Variants in ITGA8 observed in about 807,000 individuals in gnomAD.
The protein encoded by ITGA8 is integrin subunit alpha 8, also known as integrin alpha-8.
A neutral mutation model predicts 142.3 loss-of-function variants in ITGA8; 91 were observed. The ratio of observed to expected loss-of-function variants is 0.64; its 90% CI spans 0.54 to 0.76. The LOEUF (loss-of-function observed/expected upper bound fraction) is 0.76. Among genes scored for constraint, ITGA8 ranks in the 30% least tolerant of loss-of-function variants. ITGA8 has a pLI of 0.00. For synonymous variants in ITGA8, 505 were observed against 485.2 expected (o/e 1.04, Z -0.54); for missense variants, 1,406 against 1,327.7 (o/e 1.06, Z -0.92).
chr10:15,627,032 T>C (rs923292460), intron 13 of ITGA8, among the ~76,000 whole-genome samples: 4 of 152,176 alleles, frequency 2.6e-5, no homozygotes, highest in African/African-American at 9.7e-5. Context: ...GAACTCATTA[T>C]TGAACTTCCA....
intron 2 of ITGA8, among the ~76,000 whole-genome samples, chr10:15,712,583 A>G (rs913699929): frequency 7.2e-5 from 11 of 152,206 alleles, no homozygotes; most frequent in Non-Finnish European, 1.5e-4. Context: ...CCTGGGTGAC[A>G]GAACCAGACT....
chr10:15,552,922 A>C (rs1313136238), intron 26 of ITGA8, among the ~76,000 whole-genome samples: 1 of 152,218 alleles, frequency 6.6e-6, no homozygotes, highest in Non-Finnish European at 1.5e-5. Context: ...TAGTATATGG[A>C]TTCCCTACTG....
At chr10:15,673,592 A>G (rs1834570934) in intron 6 of ITGA8, among the ~76,000 whole-genome samples, 1 of 152,238 alleles carries the variant, frequency 6.6e-6, no homozygotes, top group African/African-American at 2.4e-5. Context: ...CTTGCAAAGC[A>G]TAGATACTGT....
At chr10:15,646,519 C>T (rs541524684) in intron 12 of ITGA8, among the ~76,000 whole-genome samples, 12 of 151,946 alleles carry the variant, frequency 7.9e-5, no homozygotes, top group African/African-American at 2.7e-4. Context: ...TTCTGATAAC[C>T]GAATGTGTCT....
At chr10:15,674,373 A>G (rs1400937938) in intron 6 of ITGA8, among the ~76,000 whole-genome samples, 1 of 152,236 alleles carries the variant, frequency 6.6e-6, no homozygotes, top group East Asian at 1.9e-4. Context: ...ATGTTTCTAT[A>G]TGCCATTGCT....
intron 19 of ITGA8, among the ~76,000 whole-genome samples, chr10:15,605,194 T>A (rs1380644679): frequency 6.6e-6 from 1 of 152,184 alleles, no homozygotes; most frequent in Non-Finnish European, 1.5e-5. Flanking sequence ...AGTGCTGGAA[T>A]GGGGGCGTCC....
At chr10:15,653,831 C>CTTTTTT (rs111283505) in intron 11 of ITGA8, among the ~76,000 whole-genome samples, 9 of 129,968 alleles carry the variant, frequency 6.9e-5, no homozygotes, top group South Asian at 2.3e-4. Context: ...TTTCTTTTTT[C>CTTTTTT]TTTTTTTTTT....
intron 2 of ITGA8, among the ~76,000 whole-genome samples, chr10:15,704,045 A>G (rs1588738821): frequency 6.6e-6 from 1 of 152,194 alleles, no homozygotes; most frequent in Non-Finnish European, 1.5e-5. Context: ...TGGTAACCCC[A>G]TTAACCAAGC....
At chr10:15,694,696 T>TATATATATATATATATATAA (rs1835018430) in intron 2 of ITGA8, among the ~76,000 whole-genome samples, 1 of 136,900 alleles carries the variant, frequency 7.3e-6, no homozygotes, top group South Asian at 2.2e-4. Context: ...TATATATATA[T>TATATATATATATATATATAA]ATATATGTCG....
In ITGA8 at chr10:15,545,685, T is replaced by A. The variant is rs74474281; in HGVS notation, c.2880+2770A>T. On this transcript the variant is annotated intron_variant, in intron 27 of 29. Transcript: ENST00000378076. ...ACCAACCTACTGCTTAGTTTGCCTGTTTTTTTTTTTAGCTTTTTATAAATG... is the reference window on the plus strand; with the variant it reads ...ACCAACCTACTGCTTAGTTTGCCTGATTTTTTTTTTAGCTTTTTATAAATG... Among the ~76,000 whole-genome samples the A allele has an allele frequency of 2.0e-3, 4 of 2,032 alleles. No homozygotes were observed. The Non-Finnish European group carries it at 0.38, about 191-fold the overall frequency. The allele number at this position is 2,032 out of a possible 152,430, so 1.3% of individuals were successfully genotyped here.
At chr10:15,719,138 G>A (rs900627043) in intron 1 of ITGA8, among the ~76,000 whole-genome samples, 6 of 152,188 alleles carry the variant, frequency 3.9e-5, no homozygotes, top group Admixed American at 6.5e-5. Context: ...ACAGTGAGAT[G>A]AGAGAAGGGG....
intron 17 of ITGA8, 39 bp downstream of exon 17, chr10:15,607,638 G>C (rs1833218515): frequency 6.3e-7 from 1 of 1,592,602 alleles, no homozygotes; most frequent in East Asian, 2.2e-5. Flanking sequence ...ATTTGGATAT[G>C]AAGGAGAGAG....
At chr10:15,708,668 A>T (rs2131735186) in intron 2 of ITGA8, among the ~76,000 whole-genome samples, 1 of 152,362 alleles carries the variant, frequency 6.6e-6, no homozygotes, top group South Asian at 2.1e-4. Flanking sequence ...AAGATGGTAG[A>T]TACAATTTCG....
chr10:15,554,867 A>G (rs1249005778), intron 26 of ITGA8, among the ~76,000 whole-genome samples: 1 of 152,090 alleles, frequency 6.6e-6, no homozygotes, highest in Non-Finnish European at 1.5e-5. Context: ...AGGAAAAGCA[A>G]AAACCTTTTT....
intron 27 of ITGA8, among the ~76,000 whole-genome samples, chr10:15,539,654 T>C (rs951861817): frequency 1.3e-5 from 2 of 152,204 alleles, no homozygotes; most frequent in South Asian, 2.1e-4. Context: ...CTAATTCTTA[T>C]TTATTTTTAC....
intron 11 of ITGA8, 49 bp from the exon 12 acceptor site, chr10:15,647,100 C>A: frequency 7.1e-7 from 1 of 1,413,934 alleles, no homozygotes; most frequent in South Asian, 1.2e-5. Flanking sequence ...AGAGTAGAGT[C>A]ACTTTGGGTT....
At chr10:15,605,641 T>C in intron 19 of ITGA8, 83 bp downstream of exon 19, 2 of 1,099,456 alleles carry the variant, frequency 1.8e-6, no homozygotes, top group African/African-American at 1.5e-5. Flanking sequence ...TTATTGGAAG[T>C]GTATACTTTC....
chr10:15,586,485 T>A (rs1564362865), intron 23 of ITGA8, 99 bp downstream of exon 23: 4 of 667,088 alleles, frequency 6.0e-6, no homozygotes, highest in Admixed American at 4.7e-5. Context: ...TGAACTGTGA[T>A]CTCTAATGCA....
At chr10:15,521,787 C>A (rs1833076637) in intron 28 of ITGA8, among the ~76,000 whole-genome samples, 1 of 152,220 alleles carries the variant, frequency 6.6e-6, no homozygotes, top group Non-Finnish European at 1.5e-5. Context: ...AAATCAATTT[C>A]AAGGACCCAC....
Sources: gnomAD v4.1 joint callset for allele counts (sites outside exome capture counted in the v4.1 genomes callset) on GRCh38, gnomAD v4.1.1 for gene constraint, MANE v1.5 for transcripts, NCBI Gene and HGNC (gene_info 2026-07-23, HGNC 2026-07-21) for gene names.